The following PPARGC1A variants were observed in gnomAD, a reference collection of about 807,000 sequenced individuals.
The protein encoded by PPARGC1A is PPARG coactivator 1 alpha, also known as peroxisome proliferator-activated receptor gamma coactivator 1-alpha.
Under a neutral mutation model 88.7 loss-of-function variants are expected in PPARGC1A, and 25 were observed. The ratio of observed to expected loss-of-function variants is 0.28; its 90% confidence interval spans 0.21 to 0.39. The LOEUF is 0.39. Among genes scored for constraint, PPARGC1A ranks in the 10% least tolerant of loss-of-function variants. PPARGC1A has a pLI of 1.00. For synonymous variants in PPARGC1A, 363 were observed against 355.6 expected, an observed-to-expected ratio of 1.02 and a Z score of -0.24; for missense variants, 880 against 968.7, an observed-to-expected ratio of 0.91 and a Z score of 1.22.
the PPARGC1A span, among the ~76,000 whole-genome samples, chr4:24,004,413 T>C: frequency 1.3e-5 from 2 of 152,208 alleles, no homozygotes; most frequent in Admixed American, 1.3e-4. Flanking sequence ...CCACATCAGT[T>C]GGGATGATTA....
chr4:24,301,923 T>C, the PPARGC1A span, among the ~76,000 whole-genome samples: 3 of 152,086 alleles, frequency 2.0e-5, no homozygotes, highest in Non-Finnish European at 4.4e-5. Flanking sequence ...GGAATGGCCA[T>C]TTTCTAAAAT....
At chr4:24,334,003 A>G in the PPARGC1A span, among the ~76,000 whole-genome samples, 1 of 149,124 alleles carries the variant, frequency 6.7e-6, no homozygotes, top group South Asian at 2.1e-4. Context: ...AAACTAGTCC[A>G]TTGGCTCTCA....
chr4:24,379,314 G>A, the PPARGC1A span, among the ~76,000 whole-genome samples: 1 of 152,138 alleles, frequency 6.6e-6, no homozygotes, highest in African/African-American at 2.4e-5. Flanking sequence ...AGAGAGGTTG[G>A]TTAATAGGTA....
the PPARGC1A span, among the ~76,000 whole-genome samples, chr4:24,429,614 C>A: frequency 6.6e-6 from 1 of 150,876 alleles, no homozygotes; most frequent in African/African-American, 2.4e-5. Flanking sequence ...AGGGGAAAGG[C>A]ATGGAGCAGG....
chr4:23,876,796 C>T (rs551204199), intron 2 of PPARGC1A, among the ~76,000 whole-genome samples: 97 of 152,072 alleles, frequency 6.4e-4, no homozygotes, highest in African/African-American at 2.3e-3. Context: ...CTGCTCCCCA[C>T]CCTAACCCCC....
rs533200837 is a variant in PPARGC1A at position 23,897,563 on chromosome 4, C to T, written n.52+1704G>A. 3.3e-4 allele frequency among the ~76,000 whole-genome samples: 50 copies of T among 152,240 alleles called. 1 individual carries two copies. The highest frequency in any genetic ancestry group is 2.9e-3 in the Admixed American group (44 of 15,286). On this transcript the variant is annotated intron_variant and non_coding_transcript_variant, in intron 1 of 3. Transcript: ENST00000507342. ...TGACAGAGACAGACAACTCAGGAAG[C>T]CTTCTTTGCACAGGGTGAATCCAAA... is the stretch of plus-strand genomic sequence containing the variant.
At chr4:23,924,307 C>T in the PPARGC1A span, among the ~76,000 whole-genome samples, 10 of 152,166 alleles carry the variant, frequency 6.6e-5, no homozygotes, top group Non-Finnish European at 7.4e-5. Flanking sequence ...CTTGAAGGAA[C>T]GGAACAATTA....
At chr4:24,414,357 T>A in the PPARGC1A span, among the ~76,000 whole-genome samples, 1 of 152,120 alleles carries the variant, frequency 6.6e-6, no homozygotes, top group East Asian at 1.9e-4. Context: ...TATTCTCTTC[T>A]TTTTCTCCTT....
At chr4:24,133,732 T>C in the PPARGC1A span, among the ~76,000 whole-genome samples, 1 of 152,168 alleles carries the variant, frequency 6.6e-6, no homozygotes, top group African/African-American at 2.4e-5. Flanking sequence ...GAGATTGGTA[T>C]AGGCAAGCAC....
chr4:24,166,869 TA>T, the PPARGC1A span, among the ~76,000 whole-genome samples: 1 of 152,318 alleles, frequency 6.6e-6, no homozygotes, highest in Non-Finnish European at 1.5e-5. Context: ...AGAGCCCTGA[TA>T]TAAATATACA....
the PPARGC1A span, among the ~76,000 whole-genome samples, chr4:23,931,606 G>A: frequency 6.6e-6 from 1 of 152,158 alleles, no homozygotes; most frequent in South Asian, 2.1e-4. Context: ...AGAATCCAAT[G>A]TCATCTGACA....
At chr4:24,091,258 T>C in the PPARGC1A span, among the ~76,000 whole-genome samples, 1 of 152,242 alleles carries the variant, frequency 6.6e-6, no homozygotes. Context: ...TGTAAAGCCC[T>C]ATTAGCTTGC....
At chr4:24,225,370 C>T in the PPARGC1A span, among the ~76,000 whole-genome samples, 4 of 152,206 alleles carry the variant, frequency 2.6e-5, no homozygotes, top group East Asian at 7.8e-4. Context: ...GAAATTGAGA[C>T]CATCCTGGCT....
the PPARGC1A span, among the ~76,000 whole-genome samples, chr4:24,294,102 C>T: frequency 2.6e-4 from 40 of 152,276 alleles, no homozygotes; most frequent in Admixed American, 2.6e-4. Context: ...GAACTGGCTC[C>T]ATCCCAAGTC....
intron 2 of PPARGC1A, chr4:23,866,145 A>G (rs975810610): frequency 3.3e-5 from 5 of 152,286 alleles, no homozygotes; most frequent in Admixed American, 6.5e-5. Context: ...TTAAAACTGC[A>G]TTTTCTTTGC....
the PPARGC1A span, among the ~76,000 whole-genome samples, chr4:24,024,516 C>T: frequency 1.3e-5 from 2 of 152,040 alleles, no homozygotes; most frequent in African/African-American, 2.4e-5. Context: ...TTGGGTTTTG[C>T]CTTTTCTCAA....
intron 2 of PPARGC1A, among the ~76,000 whole-genome samples, chr4:23,836,047 A>G (rs1725954507): frequency 6.6e-6 from 1 of 152,212 alleles, no homozygotes; most frequent in Non-Finnish European, 1.5e-5. Context: ...CTGCACTGAC[A>G]TTGCAAGATA....
the PPARGC1A span, among the ~76,000 whole-genome samples, chr4:24,397,218 T>A: frequency 6.6e-6 from 1 of 152,166 alleles, no homozygotes; most frequent in Non-Finnish European, 1.5e-5. Context: ...ACAAAACTTA[T>A]TATACCCAGC....
At chr4:24,016,142 C>T in the PPARGC1A span, among the ~76,000 whole-genome samples, 7 of 152,134 alleles carry the variant, frequency 4.6e-5, no homozygotes, top group South Asian at 1.4e-3. Flanking sequence ...TTTGTAAATG[C>T]TCTGAAAATT....
Sources: allele counts gnomAD v4.1 joint callset (sites outside exome capture counted in the v4.1 genomes callset), GRCh38; gene constraint gnomAD v4.1.1; transcripts MANE v1.5; gene names NCBI Gene and HGNC (gene_info 2026-07-23, HGNC 2026-07-21).